The following VRK2 variants were observed in gnomAD, a reference collection of about 807,000 sequenced individuals.
The protein encoded by VRK2 is VRK serine/threonine kinase 2, also known as serine/threonine-protein kinase VRK2.
In VRK2, 60 loss-of-function variants were observed where a neutral mutation model predicts 57.6. The observed-to-expected ratio is 1.04, with a 90% CI of 0.85 to 1.29. The LOEUF (loss-of-function observed/expected upper bound fraction) is 1.29. Among genes scored for constraint, VRK2 ranks in the 50% most tolerant of loss-of-function variants. The probability of loss-of-function intolerance (pLI) is 0.00; values close to 1 mark genes in which losing one functional copy is unlikely to be tolerated. For synonymous variants in VRK2, 231 were observed against 199.2 expected (o/e 1.16, Z -1.35); for missense variants, 705 against 588.1 (o/e 1.20, Z -2.06).
intron 1 of VRK2, chr2:58,048,512 T>C: frequency 2.4e-6 from 3 of 1,245,622 alleles, no homozygotes; most frequent in Non-Finnish European, 3.2e-6. Flanking sequence ...AATTGTTAAT[T>C]TCGTGTTTCT....
chr2:58,115,677 A>G (rs1026813055), intron 7 of VRK2, among the ~76,000 whole-genome samples: 9 of 152,320 alleles, frequency 5.9e-5, no homozygotes, highest in Admixed American at 6.5e-5. Flanking sequence ...TTAATTGGAC[A>G]TGATCAGCAG....
intron 1 of VRK2, among the ~76,000 whole-genome samples, chr2:57,910,698 A>G (rs901211723): frequency 6.6e-6 from 1 of 152,220 alleles, no homozygotes; most frequent in African/African-American, 2.4e-5. Flanking sequence ...AACCCAACAC[A>G]TAATTACTGC....
Position 58,006,636 on chromosome 2 carries a change from C to T in VRK2, c.-438-19029C>T, listed in dbSNP as rs971659522. Among the ~76,000 whole-genome samples, 9 of 152,062 alleles carry T rather than the reference C, an allele frequency of 5.9e-5. No individual in the cohort carries two copies. In the East Asian group the frequency reaches 1.5e-3, roughly 26 times the overall value. On this transcript the variant is annotated intron_variant, in intron 1 of 15. Transcript: ENST00000417641. ...TAAATGCAATGGGAGTAATTGGATC[C>T]TGGATGCCAAGGGCCAAGAGGCAGG...
intron 1 of VRK2, among the ~76,000 whole-genome samples, chr2:57,910,241 C>T (rs1669945720): frequency 6.6e-6 from 1 of 152,180 alleles, no homozygotes; most frequent in Non-Finnish European, 1.5e-5. Context: ...TCCCTTTCTC[C>T]ATGCAGATTT....
At chr2:58,137,801 A>G (rs1024243197) in intron 10 of VRK2, among the ~76,000 whole-genome samples, 2 of 152,204 alleles carry the variant, frequency 1.3e-5, no homozygotes, top group African/African-American at 4.8e-5. Flanking sequence ...ATAATTTCAT[A>G]CTAAAGGCAT....
intron 7 of VRK2, among the ~76,000 whole-genome samples, chr2:58,096,550 C>T (rs951421670): frequency 2.6e-5 from 4 of 151,760 alleles, no homozygotes; most frequent in Admixed American, 6.6e-5. Flanking sequence ...TTAAATTTTT[C>T]GTACTTCAGT....
At chr2:58,145,779 C>A (rs13410357) in intron 11 of VRK2, among the ~76,000 whole-genome samples, 3 of 151,960 alleles carry the variant, frequency 2.0e-5, no homozygotes, top group Admixed American at 6.6e-5. Context: ...CCTCCCTTCC[C>A]CCACCCCATG....
intron 7 of VRK2, among the ~76,000 whole-genome samples, chr2:58,091,118 A>C (rs1672314961): frequency 6.6e-6 from 1 of 152,204 alleles, no homozygotes; most frequent in African/African-American, 2.4e-5. Context: ...ACTATTCTGC[A>C]TGATACCATA....
chr2:57,946,227 GAT>G (rs1671257093), intron 1 of VRK2, among the ~76,000 whole-genome samples: 1 of 151,630 alleles, frequency 6.6e-6, no homozygotes, highest in Non-Finnish European at 1.5e-5. Context: ...CAAACACAGT[GAT>G]TATAATAAAA....
At chr2:57,968,606 T>C (rs1206561621) in intron 1 of VRK2, among the ~76,000 whole-genome samples, 1 of 152,116 alleles carries the variant, frequency 6.6e-6, no homozygotes, top group Non-Finnish European at 1.5e-5. Flanking sequence ...GTGAATGCCA[T>C]TTTAAGATTA....
chr2:58,149,287 A>G (rs890207010), intron 12 of VRK2, among the ~76,000 whole-genome samples: 1 of 151,776 alleles, frequency 6.6e-6, no homozygotes, highest in Non-Finnish European at 1.5e-5. Context: ...GTAATTTTCA[A>G]AATTTCATAT....
At chr2:57,987,722 T>C (rs1057378114) in intron 1 of VRK2, among the ~76,000 whole-genome samples, 3 of 152,192 alleles carry the variant, frequency 2.0e-5, no homozygotes, top group Admixed American at 6.5e-5. Flanking sequence ...AGTATATTTA[T>C]TCAAAATTGC....
intron 7 of VRK2, among the ~76,000 whole-genome samples, chr2:58,093,946 G>C (rs1350715955): frequency 6.6e-6 from 1 of 152,098 alleles, no homozygotes; most frequent in African/African-American, 2.4e-5. Flanking sequence ...TCTTGTTTTT[G>C]TCAGGTTTCT....
chr2:58,159,391 C>A lies in VRK2; in HGVS notation c.1225C>A (p.Pro409Thr). Residue 409 changes from proline to threonine, a missense_variant, in exon 13 of 13, where the codon CCT becomes ACT. Physicochemically the swap from Pro to Thr is conservative, Grantham distance 38 (BLOSUM62 -1). Transcript: ENST00000340157. ...ACAGAAATATCAAGAGTCTCAAGAA[C>A]CTTTGAATGAAGTAAACAGTTTCCC... ...RRQKYQESQE[P>T]LNEVNSFPQK... is the part of the protein sequence containing the mutation. 6.2e-7 allele frequency: 1 copy of A among 1,612,940 alleles called. No individual in the cohort carries two copies. Among genetic ancestry groups the A allele is most frequent in the Non-Finnish European group, 8.5e-7 (1 of 1,179,524 alleles).
chr2:57,952,453 C>T (rs1259904989), intron 1 of VRK2, among the ~76,000 whole-genome samples: 1 of 152,136 alleles, frequency 6.6e-6, no homozygotes, highest in Non-Finnish European at 1.5e-5. Flanking sequence ...TTTTGGCTCG[C>T]TTCATTGTTA....
intron 1 of VRK2, among the ~76,000 whole-genome samples, chr2:57,976,063 A>G (rs1158628432): frequency 6.6e-6 from 1 of 152,092 alleles, no homozygotes; most frequent in Non-Finnish European, 1.5e-5. Flanking sequence ...AATGGCCTCC[A>G]GCTGCATTCA....
chr2:58,130,471 G>A lies in VRK2; in HGVS notation c.677-1337G>A, dbSNP rs549316934. ...TGTGCAGAAAGTAAATGGCACCCAT[G>A]GGACTGTAGCATTCTGCTAGATTGA... On this transcript the variant is annotated intron_variant, in intron 8 of 12. Coordinates refer to ENST00000340157, the MANE Select transcript of VRK2 (RefSeq NM_006296.7). Among the ~76,000 whole-genome samples, 67 of 152,286 alleles carry A rather than the reference G, an allele frequency of 4.4e-4. 2 individuals carry two copies. In the South Asian group the frequency reaches 0.013, roughly 30 times the overall value.
intron 12 of VRK2, among the ~76,000 whole-genome samples, chr2:58,148,374 T>C (rs1682480612): frequency 6.6e-6 from 1 of 151,908 alleles, no homozygotes; most frequent in Non-Finnish European, 1.5e-5. Context: ...TGGATATTTG[T>C]CTTTTTATTG....
At chr2:57,935,576 G>T (rs1005317553) in intron 1 of VRK2, among the ~76,000 whole-genome samples, 1 of 152,234 alleles carries the variant, frequency 6.6e-6, no homozygotes, top group East Asian at 1.9e-4. Context: ...GTCCCTTGTG[G>T]GTCCGGAGGT....
Sources: allele counts gnomAD v4.1 joint callset (sites outside exome capture counted in the v4.1 genomes callset), GRCh38; gene constraint gnomAD v4.1.1; transcripts MANE v1.5; gene names NCBI Gene and HGNC (gene_info 2026-07-23, HGNC 2026-07-21).